PLD5: variants seen among roughly 807,000 people sequenced by gnomAD.
The protein encoded by PLD5 is inactive phospholipase D5.
Under a neutral mutation model 61.1 loss-of-function variants are expected in PLD5, and 36 were observed. The ratio of observed to expected loss-of-function variants is 0.59; its 90% CI spans 0.45 to 0.78. The LOEUF is 0.78. PLD5 is among the 30% of genes least tolerant of loss of function. PLD5 has a pLI of 0.00. For missense variants in PLD5, 515 were observed against 644.4 expected, an observed-to-expected ratio of 0.80 and a Z score of 2.17; for synonymous variants, 243 against 242.8, an observed-to-expected ratio of 1.00 and a Z score of -0.01.
intron 4 of PLD5, among the ~76,000 whole-genome samples, chr1:242,264,456 G>A (rs71498861): frequency 0.08 from 12,192 of 152,200 alleles, 557 homozygotes; most frequent in Middle Eastern, 0.13. Context: ...AGGAAGGGCC[G>A]CTGGGGCTCA....
rs761320529 is a variant in PLD5 at position 242,348,158 on chromosome 1, T to C, written c.274A>G (p.Met92Val). ...VALIFSAVDI[M>V]GEDEDGLSEK... The stretch of plus-strand genomic sequence containing the variant: ...GAGAGTCCATCCTCATCCTCTCCCA[T>C]GATGTCCACGGCTGAAAAGATCAGT... Residue 92 changes from methionine (M) to valine (V), a missense_variant, in exon 2 of 10, where the codon ATG (methionine) becomes GTG (valine). Physicochemically the swap from Met to Val is conservative, Grantham distance 21. Transcript: ENST00000536534. 7.6e-5 allele frequency: 122 copies of C among 1,613,776 alleles called. No individual in the cohort carries two copies. Among genetic ancestry groups the C allele is most frequent in the Non-Finnish European group, 9.7e-5 (114 of 1,179,912 alleles).
At chr1:242,220,723 T>TATTTTATTTTATTTA (rs1245665081) in intron 4 of PLD5, among the ~76,000 whole-genome samples, 1 of 144,392 alleles carries the variant, frequency 6.9e-6, no homozygotes, top group African/African-American at 2.7e-5. Flanking sequence ...TATTTTATTT[T>TATTTTATTTTATTTA]ATTTTATTTT....
chr1:242,102,061 T>C (rs1289574146), intron 8 of PLD5, among the ~76,000 whole-genome samples: 1 of 152,210 alleles, frequency 6.6e-6, no homozygotes, highest in Non-Finnish European at 1.5e-5. Flanking sequence ...CAGACTGACT[T>C]AATAACCTGT....
At chr1:242,300,838 G>A (rs1467593300) in intron 2 of PLD5, among the ~76,000 whole-genome samples, 1 of 152,244 alleles carries the variant, frequency 6.6e-6, no homozygotes, top group South Asian at 2.1e-4. Context: ...TTGAACCACC[G>A]TGTGAATGCT....
intron 4 of PLD5, among the ~76,000 whole-genome samples, chr1:242,238,188 G>A (rs1671761920): frequency 6.6e-6 from 1 of 152,178 alleles, no homozygotes; most frequent in African/African-American, 2.4e-5. Flanking sequence ...ATTTGCAAGT[G>A]AGAAAATACT....
rs181861042 is a variant in PLD5, at chr1:242,148,164, A to T, written c.736-23499T>A. 8.0e-3 allele frequency among the ~76,000 whole-genome samples: 1,220 copies of T among 151,930 alleles called. 6 individuals are homozygous for T. Among genetic ancestry groups the T allele is most frequent in the Middle Eastern group, 0.014 (4 of 294 alleles). On this transcript the variant is annotated intron_variant, in intron 5 of 9. Transcript: ENST00000536534. ...TTATATAGTTTTAGTACTTATATTT[A>T]AGTCTATGGTCCATTTTGAATCGAT...
intron 1 of PLD5, among the ~76,000 whole-genome samples, chr1:242,395,067 ATATG>A (rs1221994650): frequency 6.9e-6 from 1 of 145,388 alleles, no homozygotes; most frequent in East Asian, 2.0e-4. Flanking sequence ...ATATGTATAT[ATATG>A]AATATATATG....
Position 242,315,333 on chromosome 1 carries a change from G to A in PLD5, c.327-26803C>T, listed in dbSNP as rs151117947. Among the ~76,000 whole-genome samples the A allele has an allele frequency of 4.1e-3, 631 of 152,156 alleles. 3 individuals carry two copies. The highest frequency in any genetic ancestry group is 0.014 in the African/African-American group (591 of 41,498). On this transcript the variant is annotated intron_variant, in intron 2 of 9. Transcript: ENST00000536534. ...GGAGTCTAAATCAATAAACAATACC[G>A]GAAAGGACATTTGCCTAAATATGCA...
intron 1 of PLD5, chr1:242,377,172 G>C: frequency 6.2e-7 from 1 of 1,611,660 alleles, no homozygotes; most frequent in South Asian, 1.1e-5. Flanking sequence ...GAGGTGTCTG[G>C]AGAGAGAGAC....
intron 5 of PLD5, among the ~76,000 whole-genome samples, chr1:242,170,750 C>T (rs149175164): frequency 0.015 from 2,259 of 152,024 alleles, 16 homozygotes; most frequent in Non-Finnish European, 0.024. Flanking sequence ...GTGAGAACTT[C>T]GTGAAGCATA....
intron 5 of PLD5, among the ~76,000 whole-genome samples, chr1:242,153,529 A>G (rs1228513322): frequency 1.3e-5 from 2 of 152,154 alleles, no homozygotes; most frequent in African/African-American, 4.8e-5. Flanking sequence ...ATATTTGTAT[A>G]AGGTGTAAGG....
intron 2 of PLD5, among the ~76,000 whole-genome samples, chr1:242,334,283 T>C (rs1347044740): frequency 1.3e-5 from 2 of 150,666 alleles, no homozygotes; most frequent in African/African-American, 4.9e-5. Flanking sequence ...AGATACTTCA[T>C]CTACTCTCAT....
intron 1 of PLD5, among the ~76,000 whole-genome samples, chr1:242,384,393 G>A (rs1558515420): frequency 6.6e-6 from 1 of 152,184 alleles, no homozygotes; most frequent in Non-Finnish European, 1.5e-5. Context: ...GCTGGTGAAA[G>A]ATGTATTCTC....
rs560297773 is a variant in PLD5, at chr1:242,445,149, G to C, written c.189+78939C>G. On this transcript the variant is annotated intron_variant, in intron 1 of 9. Coordinates refer to ENST00000536534, the MANE Select transcript of PLD5 (RefSeq NM_001372062.1). ...TGTGGAAGGTGATGAGGTCTTGAAGGCTCCGCCATCACTAATCAGATTAGT... is the reference window on the plus strand; with the variant it reads ...TGTGGAAGGTGATGAGGTCTTGAAGCCTCCGCCATCACTAATCAGATTAGT... Among the ~76,000 whole-genome samples the C allele has an allele frequency of 2.6e-4, 39 of 152,232 alleles. 1 individual carries two copies. The South Asian group carries it at 7.7e-3, about 30-fold the overall frequency.
intron 1 of PLD5, 44 bp from the exon 2 acceptor site, chr1:242,348,286 T>C (rs1558485542): frequency 1.3e-6 from 2 of 1,555,030 alleles, no homozygotes; most frequent in Non-Finnish European, 1.7e-6. Flanking sequence ...TGGTGCTGCT[T>C]TCTCTTGGGA....
chr1:242,229,969 GC>G (rs1671197361), intron 4 of PLD5, among the ~76,000 whole-genome samples: 1 of 151,210 alleles, frequency 6.6e-6, no homozygotes, highest in South Asian at 2.1e-4. Context: ...GCTACCCACT[GC>G]CCCATCCCCA....
At chr1:242,395,037 G>GAATACATATGAATA (rs1354501458) in intron 1 of PLD5, among the ~76,000 whole-genome samples, 1 of 47,858 alleles carries the variant, frequency 2.1e-5, no homozygotes, top group Admixed American at 2.6e-4. Context: ...ATATATGAAT[G>GAATACATATGAATA]TATATGTATA....
At chr1:242,394,305 TATATATGTGTGTATATATGA>T (rs1197524990) in intron 1 of PLD5, among the ~76,000 whole-genome samples, 2,578 of 79,614 alleles carry the variant, frequency 0.032, 96 homozygotes, top group Admixed American at 0.046. Flanking sequence ...TATATATGAG[TATATATGTGTGTATATATGA>T]GTATATATGT....
At position 242,449,375 on chromosome 1, in the gene PLD5, C is replaced by T. The variant is rs1482319486; in HGVS notation, c.189+74713G>A. 2.0e-6 allele frequency: 3 copies of T among 1,536,124 alleles called. 1 individual carries two copies. The highest frequency in any genetic ancestry group is 2.4e-5 in the South Asian group (2 of 84,062). ...TTACCATTGCGACCAATCTTCCTTC[C>T]CTCCCTGCGGAGTCCAGCAGCCAGG... On this transcript the variant is annotated intron_variant, in intron 1 of 9. Coordinates refer to ENST00000536534, the MANE Select transcript of PLD5 (RefSeq NM_001372062.1).
Sources: allele counts gnomAD v4.1 joint callset (sites outside exome capture counted in the v4.1 genomes callset), GRCh38; gene constraint gnomAD v4.1.1; transcripts MANE v1.5; gene names NCBI Gene and HGNC (gene_info 2026-07-23, HGNC 2026-07-21).